YEATS2: variants seen among roughly 807,000 people sequenced by gnomAD.
YEATS2 encodes the protein YEATS domain-containing protein 2.
A neutral mutation model predicts 163.2 loss-of-function variants in YEATS2; 77 were observed. That is an observed-to-expected ratio of 0.47 (90% CI 0.39 to 0.57). The LOEUF (loss-of-function observed/expected upper bound fraction) is 0.57. Among genes scored for constraint, YEATS2 ranks in the 20% least tolerant of loss-of-function variants. The probability of loss-of-function intolerance (pLI) is 0.00; values close to 1 mark genes in which losing one functional copy is unlikely to be tolerated. For synonymous variants in YEATS2, 631 were observed against 645.1 expected, an observed-to-expected ratio of 0.98 and a Z score of 0.33; for missense variants, 1,549 against 1,729.8, an observed-to-expected ratio of 0.90 and a Z score of 1.85.
At position 183,807,303 on chromosome 3, in the gene YEATS2, T is replaced by TG. The variant is rs572084770; in HGVS notation, c.4011+214dup. On this transcript the variant is annotated intron_variant, in intron 28 of 30. Coordinates refer to ENST00000305135, the MANE Select transcript of YEATS2 (RefSeq NM_018023.5). The stretch of plus-strand genomic sequence containing the variant: ...TCCCACCGTCCCACATCAGAGCCCT[T>TG]GGGCAGAAATGCTAATTACATGTGA... 7.3e-4 allele frequency: 402 copies of TG among 547,620 alleles called. 1 individual carries two copies. Among genetic ancestry groups the TG allele is most frequent in the African/African-American group, 6.5e-3 (345 of 53,110 alleles). 33.9% of individuals were successfully genotyped at this position (547,620 alleles called of 1,614,324 possible).
In YEATS2 at chr3:183,777,694, T is replaced by A. The variant is rs1401617309; in HGVS notation, c.2730T>A (p.Phe910Leu). 21 of 1,614,024 alleles carry A rather than the reference T, an allele frequency of 1.3e-5. No individual in the cohort carries two copies. The highest frequency in any genetic ancestry group is 1.8e-5 in the Non-Finnish European group (21 of 1,180,024). Residue 910 changes from phenylalanine to leucine, a missense_variant, in exon 19 of 31, where the codon TTT becomes TTA. Coordinates refer to ENST00000305135, the MANE Select transcript of YEATS2 (RefSeq NM_018023.5). ...KVISGQKTTL[F>L]TQAAHGGQAS... ...TCTCTGGACAGAAAACCACATTGTTTACACAGGTAAATACGCCCATGCACA... is the reference window on the plus strand; with the variant it reads ...TCTCTGGACAGAAAACCACATTGTTAACACAGGTAAATACGCCCATGCACA...
chr3:183,722,182 C>G, intron 5 of YEATS2, 46 bp downstream of exon 5: 1 of 1,514,260 alleles, frequency 6.6e-7, no homozygotes, highest in Non-Finnish European at 8.9e-7. Context: ...GAGAAGGGAA[C>G]TATATTTACT....
chr3:183,762,228 C>T lies in YEATS2; in HGVS notation c.1896C>T (p.Val632=), dbSNP rs1721440536. 2 of 1,613,252 alleles carry T rather than the reference C, an allele frequency of 1.2e-6. No homozygotes were observed. The highest frequency in any genetic ancestry group is 1.7e-6 in the Non-Finnish European group (2 of 1,179,292). The change falls in exon 15 of 31, where the codon GTC becomes GTT. Residue 632 remains valine, a synonymous_variant. Transcript: ENST00000305135. ...HMIAVSPQKQ[V]ITPGEGIAQS... ...TAGCTGTGTCCCCTCAAAAACAGGT[C>T]ATAACTCCTGGAGAAGGGATTGCCC... is the stretch of plus-strand genomic sequence containing the variant.
intron 1 of YEATS2, among the ~76,000 whole-genome samples, chr3:183,703,976 AAAAAT>A (rs951358225): frequency 2.6e-5 from 4 of 151,956 alleles, no homozygotes; most frequent in East Asian, 3.9e-4. Context: ...CCTCTACTAA[AAAAAT>A]AAAATAAAAT....
In YEATS2 at chr3:183,775,980, GGA is replaced by G. The variant is rs757552838; in HGVS notation, c.2436_2437del (p.Gly813ArgfsTer114). ...CGGAGGAGGAGGAGGAGGAGGAGGA[GGA>G]GGCGGCAGTGGCAGCGGTGGAGGCG... ...GAGGGGGGGGGGGSGSGGGGS... is the reference protein window; with the variant it reads ...GAGGGGGGGGXGGSGSGGGGS... On this transcript the variant is annotated frameshift_variant, in exon 18 of 31. Coordinates refer to ENST00000305135, the MANE Select transcript of YEATS2 (RefSeq NM_018023.5). LOFTEE classifies it high-confidence loss of function. 5.6e-6 allele frequency: 9 copies of G among 1,608,834 alleles called. No homozygotes were observed. Among genetic ancestry groups the G allele is most frequent in the Non-Finnish European group, 7.6e-6 (9 of 1,177,106 alleles).
At chr3:183,778,066 C>T (rs1445297591) in intron 19 of YEATS2, among the ~76,000 whole-genome samples, 4 of 142,202 alleles carry the variant, frequency 2.8e-5, no homozygotes, top group South Asian at 2.2e-4. Context: ...GAGCCGAGAT[C>T]GTGCCATTGC....
chr3:183,795,597 G>A (rs1316029746), intron 21 of YEATS2, among the ~76,000 whole-genome samples: 1 of 151,064 alleles, frequency 6.6e-6, no homozygotes, highest in African/African-American at 2.4e-5. Flanking sequence ...TGCTGCACTT[G>A]GCCCTACACA....
intron 15 of YEATS2, among the ~76,000 whole-genome samples, chr3:183,762,599 G>A (rs952782494): frequency 1.3e-5 from 2 of 152,146 alleles, no homozygotes; most frequent in South Asian, 2.1e-4. Flanking sequence ...AAAGGGATCC[G>A]CTGTTGACTT....
At chr3:183,724,750 T>C (rs963853273) in intron 6 of YEATS2, among the ~76,000 whole-genome samples, 1 of 152,174 alleles carries the variant, frequency 6.6e-6, no homozygotes, top group Non-Finnish European at 1.5e-5. Context: ...ATTTTTCTTT[T>C]CCTTTTTTTG....
chr3:183,764,594 G>C (rs1482836827), intron 15 of YEATS2, among the ~76,000 whole-genome samples: 1 of 152,058 alleles, frequency 6.6e-6, no homozygotes, highest in Admixed American at 6.6e-5. Flanking sequence ...TGGATCGCCT[G>C]AGGTCAGGAG....
chr3:183,709,947 T>G (rs1715024659), intron 1 of YEATS2, among the ~76,000 whole-genome samples: 1 of 152,184 alleles, frequency 6.6e-6, no homozygotes, highest in Non-Finnish European at 1.5e-5. Flanking sequence ...CCCAAAGTGC[T>G]GGGATTACAG....
intron 11 of YEATS2, among the ~76,000 whole-genome samples, chr3:183,755,383 C>G (rs963803018): frequency 2.0e-5 from 3 of 152,122 alleles, no homozygotes; most frequent in Non-Finnish European, 4.4e-5. Context: ...TCCCAAAGTG[C>G]TCCGGTTACA....
At position 183,810,889 on chromosome 3, in the gene YEATS2, T is replaced by TGAG; in HGVS notation, c.*306_*307insGAG. 1 of 331,472 alleles carries TGAG rather than the reference T, an allele frequency of 3.0e-6. No homozygotes were observed. Among genetic ancestry groups the TGAG allele is most frequent in the South Asian group, 3.0e-5 (1 of 33,606 alleles). The allele number at this position is 331,472 out of a possible 1,614,324, so 20.5% of individuals were successfully genotyped here. ...GGGCCAGGCCGTGTGCCTCAGGCCC[T>TGAG]TCTCCCTGGGTGTGCTTAAGGGGGC... On this transcript the variant is annotated 3_prime_UTR_variant, in exon 31 of 31. Coordinates refer to ENST00000305135, the MANE Select transcript of YEATS2 (RefSeq NM_018023.5).
chr3:183,742,998 A>T (rs1719136416), intron 8 of YEATS2, among the ~76,000 whole-genome samples: 1 of 152,236 alleles, frequency 6.6e-6, no homozygotes, highest in Admixed American at 6.5e-5. Flanking sequence ...AGTTATGTAG[A>T]TTATTTTGTT....
At chr3:183,712,650 A>G (rs1187351239) in intron 1 of YEATS2, among the ~76,000 whole-genome samples, 3 of 152,200 alleles carry the variant, frequency 2.0e-5, no homozygotes, top group African/African-American at 7.2e-5. Context: ...GGGATAATCT[A>G]ACCACCCTGG....
At chr3:183,768,657 C>T (rs1285334435) in intron 15 of YEATS2, among the ~76,000 whole-genome samples, 1 of 152,072 alleles carries the variant, frequency 6.6e-6, no homozygotes, top group Non-Finnish European at 1.5e-5. Flanking sequence ...AGAAACTCTA[C>T]AGGTCCCCTG....
chr3:183,748,514 A>G (rs1412381904), intron 9 of YEATS2, among the ~76,000 whole-genome samples: 2 of 151,818 alleles, frequency 1.3e-5, no homozygotes, highest in Non-Finnish European at 2.9e-5. Flanking sequence ...CAGGTGATCC[A>G]CCCGCTTTGG....
At chr3:183,709,587 G>A (rs1395379823) in intron 1 of YEATS2, among the ~76,000 whole-genome samples, 1 of 151,892 alleles carries the variant, frequency 6.6e-6, no homozygotes, top group East Asian at 1.9e-4. Context: ...CACCTGCCTT[G>A]GCCTCCCAAA....
intron 23 of YEATS2, among the ~76,000 whole-genome samples, chr3:183,799,885 T>C (rs1725504087): frequency 6.8e-6 from 1 of 146,986 alleles, no homozygotes; most frequent in Non-Finnish European, 1.5e-5. Flanking sequence ...CAGGCTGGAG[T>C]GCAGTGGCAC....
Sources: allele counts gnomAD v4.1 joint callset (sites outside exome capture counted in the v4.1 genomes callset), GRCh38; gene constraint gnomAD v4.1.1; transcripts MANE v1.5; gene names NCBI Gene and HGNC (gene_info 2026-07-23, HGNC 2026-07-21).